UBE2O: variants seen among roughly 807,000 people sequenced by gnomAD.
UBE2O encodes (E3-independent) E2 ubiquitin-conjugating enzyme.
Under a neutral mutation model 125.8 loss-of-function variants are expected in UBE2O, and 15 were observed. That is an observed-to-expected ratio of 0.12 (90% CI 0.08 to 0.18). The LOEUF is 0.18. Ranked by LOEUF, UBE2O falls within the 10% of genes least tolerant of loss-of-function variation. The pLI is 1.00. For missense variants in UBE2O, 1,280 were observed against 1,723.6 expected (o/e 0.74, Z 4.56); for synonymous variants, 708 against 703.2 (o/e 1.01, Z -0.11).
intron 1 of UBE2O, among the ~76,000 whole-genome samples, chr17:76,441,595 T>G (rs1339040074): frequency 6.6e-6 from 1 of 152,142 alleles, no homozygotes; most frequent in Non-Finnish European, 1.5e-5. Context: ...CCCATATAAG[T>G]GCAATTCAAA....
intron 1 of UBE2O, among the ~76,000 whole-genome samples, chr17:76,416,232 G>GTA (rs1206719884): frequency 6.6e-6 from 1 of 151,800 alleles, no homozygotes; most frequent in Non-Finnish European, 1.5e-5. Context: ...ATGTATATGT[G>GTA]TATATATGTG....
intron 1 of UBE2O, among the ~76,000 whole-genome samples, chr17:76,413,535 GA>G (rs2072551278): frequency 1.3e-5 from 2 of 152,080 alleles, no homozygotes; most frequent in Non-Finnish European, 2.9e-5. Flanking sequence ...AAAATATTTT[GA>G]AAAAACCCGT....
chr17:76,402,947 G>A lies in UBE2O; in HGVS notation c.589-248C>T, dbSNP rs146335630. On this transcript the variant is annotated intron_variant, in intron 3 of 17. Coordinates refer to ENST00000319380, the MANE Select transcript of UBE2O (RefSeq NM_022066.4). The surrounding 1 kb of genome is among the most constrained non-coding windows in gnomAD (Gnocchi z 5.4). ...GGTGGTGGGGCTGCCTGGAGGGAAC[G>A]GGGTGGGTGATGCAGGGGCAGAGAG... Among the ~76,000 whole-genome samples the A allele has an allele frequency of 4.6e-3, 702 of 152,246 alleles. 4 individuals carry two copies. Among genetic ancestry groups the A allele is most frequent in the Non-Finnish European group, 6.8e-3 (460 of 68,026 alleles).
chr17:76,451,706 G>T (rs901629939), intron 1 of UBE2O, among the ~76,000 whole-genome samples: 15 of 152,138 alleles, frequency 9.9e-5, no homozygotes, highest in African/African-American at 3.6e-4. Context: ...GCGTAGGCCT[G>T]ATTCCTGCTT....
At chr17:76,445,091 G>A (rs1323445768) in intron 1 of UBE2O, among the ~76,000 whole-genome samples, 2 of 152,348 alleles carry the variant, frequency 1.3e-5, no homozygotes, top group South Asian at 4.1e-4. Context: ...CGGAGCTGCT[G>A]AGTGTGAAAA....
chr17:76,416,105 A>G (rs890419472), intron 1 of UBE2O, among the ~76,000 whole-genome samples: 3 of 146,608 alleles, frequency 2.0e-5, no homozygotes, highest in African/African-American at 8.2e-5. Context: ...GTATATGCGT[A>G]TGTGTATACA....
intron 15 of UBE2O, 65 bp from the exon 16 acceptor site, chr17:76,392,178 G>A (rs906922891): frequency 1.0e-4 from 100 of 961,090 alleles, no homozygotes; most frequent in Non-Finnish European, 1.8e-5. Flanking sequence ...CCTACATGTG[G>A]CATCTGCATC....
intron 1 of UBE2O, among the ~76,000 whole-genome samples, chr17:76,440,387 G>A (rs1397410693): frequency 1.3e-5 from 2 of 152,268 alleles, no homozygotes; most frequent in Middle Eastern, 3.4e-3. Flanking sequence ...GCAATGGGTC[G>A]CACGATCACG....
intron 1 of UBE2O, chr17:76,431,161 A>T (rs1244136058): frequency 5.9e-6 from 1 of 170,296 alleles, no homozygotes; most frequent in Non-Finnish European, 1.2e-5. Flanking sequence ...GAGGTTTTTA[A>T]TCTTTGTTTT....
chr17:76,402,802 T>C lies in UBE2O; in HGVS notation c.589-103A>G. The C allele has an allele frequency of 2.0e-6, 2 of 979,850 alleles. No individual in the cohort carries two copies. Among genetic ancestry groups the C allele is most frequent in the East Asian group, 4.8e-5 (2 of 41,564 alleles). The allele number at this position is 979,850 out of a possible 1,614,324, so 60.7% of individuals were successfully genotyped here. A position where few individuals can be genotyped will look rare whatever the true frequency, so the allele number is the denominator to read the frequency against. On this transcript the variant is annotated intron_variant, in intron 3 of 17. Coordinates refer to ENST00000319380, the MANE Select transcript of UBE2O (RefSeq NM_022066.4). The surrounding 1 kb of genome is among the most constrained non-coding windows in gnomAD (Gnocchi z 5.4). The stretch of plus-strand genomic sequence containing the variant: ...ACCGAAGACAGGATGGGGGAGGATC[T>C]AGACAGCTCACTGACTGGACCGGTT...
intron 1 of UBE2O, among the ~76,000 whole-genome samples, chr17:76,419,570 C>A (rs1457796271): frequency 6.6e-6 from 1 of 152,152 alleles, no homozygotes; most frequent in Non-Finnish European, 1.5e-5. Flanking sequence ...GACACAGAGG[C>A]ACCAGGTCCT....
rs148077751 is a variant in UBE2O, at chr17:76,445,898, G to A, written c.417+6827C>T. Reference sequence around the variant, plus strand: ...CCGAACGGGCACTCTTGCTCAGTAAGAGCTGCAAATGTGGATGGGCAGCAT... The same window carrying A: ...CCGAACGGGCACTCTTGCTCAGTAAAAGCTGCAAATGTGGATGGGCAGCAT... On this transcript the variant is annotated intron_variant, in intron 1 of 17. Transcript: ENST00000319380. Among the ~76,000 whole-genome samples the A allele has an allele frequency of 2.8e-3, 422 of 152,314 alleles. 1 individual carries two copies. Among genetic ancestry groups the A allele is most frequent in the Admixed American group, 7.7e-3 (118 of 15,300 alleles).
At chr17:76,422,651 T>C (rs1177157697) in intron 1 of UBE2O, among the ~76,000 whole-genome samples, 1 of 152,170 alleles carries the variant, frequency 6.6e-6, no homozygotes, top group Non-Finnish European at 1.5e-5. Flanking sequence ...GGCTCAAATG[T>C]TCCCCCAGAT....
intron 1 of UBE2O, chr17:76,431,038 G>C (rs1444268803): frequency 4.9e-6 from 1 of 203,784 alleles, no homozygotes; most frequent in Admixed American, 6.0e-5. Context: ...TCAGGTGCTT[G>C]ATCTTTAGTT....
intron 1 of UBE2O, among the ~76,000 whole-genome samples, chr17:76,445,370 G>A (rs537009746): frequency 2.6e-5 from 4 of 152,038 alleles, no homozygotes; most frequent in Non-Finnish European, 4.4e-5. Flanking sequence ...TGACTTAGCT[G>A]CAGAATATTA....
chr17:76,396,277 C>T lies in UBE2O; in HGVS notation c.2660G>A (p.Arg887His), dbSNP rs770539583. Residue 887 changes from arginine (R) to histidine (H), a missense_variant, in exon 14 of 18, where the codon CGC (arginine) becomes CAC (histidine). Coordinates refer to ENST00000319380, the MANE Select transcript of UBE2O (RefSeq NM_022066.4). The surrounding 1 kb of genome is among the most constrained non-coding windows in gnomAD (Gnocchi z 6.7). ...EKMEAVPDVE[R>H]KEDKPEGQSP... ...CTGCCCCTCGGGCTTGTCCTCCTTGCGCTCTACGTCGGGCACTGCTTCCAT... is the reference window on the plus strand; with the variant it reads ...CTGCCCCTCGGGCTTGTCCTCCTTGTGCTCTACGTCGGGCACTGCTTCCAT... 1.2e-5 allele frequency: 20 copies of T among 1,614,210 alleles called. No individual in the cohort carries two copies. Among genetic ancestry groups the T allele is most frequent in the East Asian group, 2.2e-5 (1 of 44,886 alleles).
intron 1 of UBE2O, among the ~76,000 whole-genome samples, chr17:76,428,746 T>C (rs1262459070): frequency 6.6e-6 from 1 of 152,182 alleles, no homozygotes; most frequent in African/African-American, 2.4e-5. Context: ...TGCTGTTACA[T>C]GTGGTTACAT....
intron 1 of UBE2O, among the ~76,000 whole-genome samples, chr17:76,445,957 T>C (rs574481596): frequency 1.3e-5 from 2 of 152,268 alleles, no homozygotes; most frequent in African/African-American, 4.8e-5. Flanking sequence ...CTGGCACCCA[T>C]TCATGGGCAA....
intron 1 of UBE2O, among the ~76,000 whole-genome samples, chr17:76,448,654 T>G (rs1343930827): frequency 1.3e-5 from 2 of 152,228 alleles, no homozygotes; most frequent in Non-Finnish European, 2.9e-5. Context: ...ACAAGAAAGC[T>G]AAAGCATAAA....
Sources: gnomAD v4.1 joint callset for allele counts (sites outside exome capture counted in the v4.1 genomes callset) on GRCh38, gnomAD v4.1.1 for gene constraint, Gnocchi (gnomAD v3.1) non-coding constraint, MANE v1.5 for transcripts, NCBI Gene and HGNC (gene_info 2026-07-23, HGNC 2026-07-21) for gene names.